IFTAP: variants seen among roughly 807,000 people sequenced by gnomAD.
The protein encoded by IFTAP is intraflagellar transport associated protein.
Under a neutral mutation model 19.4 loss-of-function variants are expected in IFTAP, and 19 were observed. The ratio of observed to expected loss-of-function variants is 0.98; its 90% CI spans 0.68 to 1.44. The LOEUF (loss-of-function observed/expected upper bound fraction) is 1.44. Ranked by LOEUF, IFTAP falls within the 40% of genes most tolerant of loss-of-function variation. The pLI is 0.00. For missense variants in IFTAP, 240 were observed against 253.6 expected, an observed-to-expected ratio of 0.95 and a Z score of 0.36; for synonymous variants, 85 against 83.5, an observed-to-expected ratio of 1.02 and a Z score of -0.10.
At chr11:36,642,150 C>A (rs573076458) in intron 4 of IFTAP, among the ~76,000 whole-genome samples, 3 of 151,822 alleles carry the variant, frequency 2.0e-5, no homozygotes, top group East Asian at 3.9e-4. Flanking sequence ...ATCAAATAGA[C>A]GCAATAAAAA....
chr11:36,601,448 C>T (rs372972350), intron 1 of IFTAP, among the ~76,000 whole-genome samples: 44 of 152,282 alleles, frequency 2.9e-4, no homozygotes, highest in African/African-American at 1.1e-3. Context: ...ATATGGCCAC[C>T]TGACCAGAAT....
intron 2 of IFTAP, among the ~76,000 whole-genome samples, chr11:36,631,853 G>A (rs567346131): frequency 2.6e-5 from 4 of 151,304 alleles, no homozygotes; most frequent in South Asian, 4.1e-4. Context: ...GTCAGAAGAA[G>A]CAAGTTTCAG....
At chr11:36,607,095 T>C (rs908990883) in intron 1 of IFTAP, among the ~76,000 whole-genome samples, 2 of 152,234 alleles carry the variant, frequency 1.3e-5, no homozygotes, top group Non-Finnish European at 2.9e-5. Context: ...CTCAATCCTC[T>C]ACAACTCTAT....
rs538165453 is a variant in IFTAP, at chr11:36,637,442, A to T, written c.358+1325A>T. Among the ~76,000 whole-genome samples the T allele has an allele frequency of 3.9e-5, 6 of 152,290 alleles. No homozygotes were observed. The East Asian group carries it at 1.2e-3, about 29-fold the overall frequency. ...CCCTGAGTGGCTCTGAATTTCTATA[A>T]TGAGAGCAGCAAAGGGACTCCAGTT... On this transcript the variant is annotated intron_variant, in intron 4 of 5. Transcript: ENST00000334307.
chr11:36,651,828 G>A (rs974313577), intron 5 of IFTAP, among the ~76,000 whole-genome samples: 3 of 152,112 alleles, frequency 2.0e-5, no homozygotes, highest in African/African-American at 7.2e-5. Flanking sequence ...CCCATCTCTT[G>A]TTTTTGTCAG....
chr11:36,654,068 G>C (rs768183666), intron 5 of IFTAP, among the ~76,000 whole-genome samples: 4 of 152,088 alleles, frequency 2.6e-5, no homozygotes, highest in Non-Finnish European at 5.9e-5. Flanking sequence ...GTTACTGTCT[G>C]TTCTTATGTC....
chr11:36,623,689 G>T (rs1183856059), intron 2 of IFTAP, among the ~76,000 whole-genome samples: 1 of 152,148 alleles, frequency 6.6e-6, no homozygotes, highest in Non-Finnish European at 1.5e-5. Flanking sequence ...CTCTGTGAGT[G>T]TTTTGCCATT....
At chr11:36,595,249 G>C (rs1851168603) in intron 1 of IFTAP, 1 of 152,000 alleles carries the variant, frequency 6.6e-6, no homozygotes, top group Middle Eastern at 3.2e-3. Context: ...AAGAACTTTT[G>C]GGTAATTCTT....
chr11:36,632,274 T>C (rs1162522883), intron 2 of IFTAP, among the ~76,000 whole-genome samples: 1 of 151,184 alleles, frequency 6.6e-6, no homozygotes, highest in Non-Finnish European at 1.5e-5. Flanking sequence ...TTAATTTTAA[T>C]ATTATTACTA....
In IFTAP at chr11:36,612,515, G is replaced by C. The variant is rs187451277; in HGVS notation, c.136+2276G>C. Among the ~76,000 whole-genome samples, 17 of 152,128 alleles carry C rather than the reference G, an allele frequency of 1.1e-4. No homozygotes were observed. In the East Asian group the frequency reaches 1.7e-3, roughly 16 times the overall value. On this transcript the variant is annotated intron_variant, in intron 2 of 5. Transcript: ENST00000334307. ...GATCAAGGTAAATGTGGTTAGTTCT[G>C]TTTAAGAAAGGCATTAAAGCTGTAT...
chr11:36,636,699 T>C (rs938456574), intron 4 of IFTAP, among the ~76,000 whole-genome samples: 1 of 152,190 alleles, frequency 6.6e-6, no homozygotes, highest in African/African-American at 2.4e-5. Flanking sequence ...ATTTTTTTGC[T>C]TTTAAAAATA....
chr11:36,628,942 C>G (rs1852624723), intron 2 of IFTAP, among the ~76,000 whole-genome samples: 1 of 151,268 alleles, frequency 6.6e-6, no homozygotes, highest in Non-Finnish European at 1.5e-5. Context: ...TCCCTGTGCC[C>G]TTTCAAATGA....
chr11:36,639,612 A>G (rs1853111427), intron 4 of IFTAP, among the ~76,000 whole-genome samples: 2 of 152,124 alleles, frequency 1.3e-5, no homozygotes, highest in Admixed American at 6.6e-5. Flanking sequence ...AGAGAGAGGG[A>G]AAGAGGTGCC....
intron 2 of IFTAP, among the ~76,000 whole-genome samples, chr11:36,618,018 A>T (rs1200581596): frequency 6.6e-6 from 1 of 152,056 alleles, no homozygotes; most frequent in Non-Finnish European, 1.5e-5. Context: ...TTTAATCATT[A>T]TAATGACCTA....
intron 5 of IFTAP, among the ~76,000 whole-genome samples, chr11:36,654,573 A>G (rs1182225316): frequency 1.3e-5 from 2 of 151,930 alleles, no homozygotes; most frequent in South Asian, 2.1e-4. Context: ...TGCTTAACCT[A>G]TAGTTCTTCC....
chr11:36,641,375 C>A (rs1320236143), intron 4 of IFTAP, among the ~76,000 whole-genome samples: 1 of 152,088 alleles, frequency 6.6e-6, no homozygotes, highest in Non-Finnish European at 1.5e-5. Context: ...TGTTGATAGA[C>A]ATAACCCATG....
chr11:36,617,103 A>G lies in IFTAP; in HGVS notation c.136+6864A>G, dbSNP rs554146450. On this transcript the variant is annotated intron_variant, in intron 2 of 5. Transcript: ENST00000334307. ...ATGTAAAATATCTCAATATTTTTATATTGACTATATTTGAAATGATAATAT... is the reference window on the plus strand; with the variant it reads ...ATGTAAAATATCTCAATATTTTTATGTTGACTATATTTGAAATGATAATAT... Among the ~76,000 whole-genome samples, 23 of 151,028 alleles carry G rather than the reference A, an allele frequency of 1.5e-4. 1 individual carries two copies. In the South Asian group the frequency reaches 4.6e-3, roughly 30 times the overall value.
intron 2 of IFTAP, among the ~76,000 whole-genome samples, chr11:36,629,991 T>C (rs1852669426): frequency 6.6e-6 from 1 of 151,296 alleles, no homozygotes; most frequent in African/African-American, 2.5e-5. Context: ...CTGACACTTA[T>C]TTCAAAGCAA....
chr11:36,646,259 A>G (rs1338795223), intron 4 of IFTAP, among the ~76,000 whole-genome samples: 1 of 152,138 alleles, frequency 6.6e-6, no homozygotes. Flanking sequence ...TCACATTTGA[A>G]CTGACGTTTG....
Sources: gnomAD v4.1 joint callset for allele counts (sites outside exome capture counted in the v4.1 genomes callset) on GRCh38, gnomAD v4.1.1 for gene constraint, MANE v1.5 for transcripts, NCBI Gene and HGNC (gene_info 2026-07-23, HGNC 2026-07-21) for gene names.